CERT1: variants seen among roughly 807,000 people sequenced by gnomAD.
CERT1 encodes ceramide transporter 1.
Under a neutral mutation model 87.9 loss-of-function variants are expected in CERT1, and 31 were observed. The ratio of observed to expected loss-of-function variants is 0.35; its 90% confidence interval spans 0.27 to 0.48. The LOEUF (loss-of-function observed/expected upper bound fraction) is 0.48. Among genes scored for constraint, CERT1 ranks in the 20% least tolerant of loss-of-function variants. The pLI is 0.99. For missense variants in CERT1, 487 were observed against 758.0 expected, an observed-to-expected ratio of 0.64 and a Z score of 4.20; for synonymous variants, 289 against 250.9, an observed-to-expected ratio of 1.15 and a Z score of -1.44.
intron 2 of CERT1, among the ~76,000 whole-genome samples, chr5:75,485,795 C>A (rs752919505): frequency 6.6e-6 from 1 of 152,006 alleles, no homozygotes; most frequent in Non-Finnish European, 1.5e-5. Flanking sequence ...TACAACCTAC[C>A]AATATTGAAC....
At chr5:75,404,270 A>G (rs6866607) in intron 8 of CERT1, among the ~76,000 whole-genome samples, 8,786 of 145,898 alleles carry the variant, frequency 0.06, 572 homozygotes, top group African/African-American at 0.17. Flanking sequence ...ATGAGGACTC[A>G]GTCCCCTACA....
chr5:75,439,622 G>A (rs1404695255), intron 3 of CERT1, among the ~76,000 whole-genome samples: 2 of 151,836 alleles, frequency 1.3e-5, no homozygotes, highest in Non-Finnish European at 2.9e-5. Flanking sequence ...CACAATAAAG[G>A]ATTTTTCTGA....
intron 6 of CERT1, among the ~76,000 whole-genome samples, chr5:75,418,481 C>A (rs1763236460): frequency 6.6e-6 from 1 of 152,072 alleles, no homozygotes; most frequent in African/African-American, 2.4e-5. Context: ...ACATTCTACT[C>A]CTAGGTATTT....
intron 2 of CERT1, among the ~76,000 whole-genome samples, chr5:75,488,362 C>A (rs1464013381): frequency 6.6e-6 from 1 of 151,748 alleles, no homozygotes; most frequent in Non-Finnish European, 1.5e-5. Context: ...TGAATTCTTG[C>A]CAATTCAAGT....
Position 75,511,271 on chromosome 5 carries a change from C to A in CERT1, c.-64G>T, listed in dbSNP as rs774070032. On this transcript the variant is annotated 5_prime_UTR_variant, in exon 1 of 17. Coordinates refer to ENST00000643780, the MANE Select transcript of CERT1 (RefSeq NM_001379029.1). ...CCTCAGCTGCGCCGGAGGAGGCGCC[C>A]AGTCCTCGGGGTGAAGGGTCGGGGG... The A allele has an allele frequency of 3.1e-6, 5 of 1,590,110 alleles. No homozygotes were observed. The South Asian group carries it at 5.6e-5, about 18-fold the overall frequency.
chr5:75,469,636 T>G (rs904115741), intron 2 of CERT1, among the ~76,000 whole-genome samples: 1 of 152,058 alleles, frequency 6.6e-6, no homozygotes, highest in Non-Finnish European at 1.5e-5. Flanking sequence ...AGGAATCAAA[T>G]GTACTATTAG....
intron 4 of CERT1, 21 bp from the exon 5 acceptor site, chr5:75,425,520 G>A: frequency 6.2e-7 from 1 of 1,609,734 alleles, no homozygotes. Context: ...TAAAATAGGG[G>A]GATGTAATTC....
chr5:75,456,217 T>C (rs1031240132), intron 3 of CERT1, among the ~76,000 whole-genome samples: 2 of 152,166 alleles, frequency 1.3e-5, no homozygotes, highest in African/African-American at 2.4e-5. Context: ...CTCAACAATT[T>C]ACTTTTAGAA....
chr5:75,381,692 T>TAG (rs1761592914), intron 15 of CERT1, among the ~76,000 whole-genome samples: 1 of 152,064 alleles, frequency 6.6e-6, no homozygotes, highest in African/African-American at 2.4e-5. Context: ...TACTGCCCAG[T>TAG]GTATGTACTG....
intron 12 of CERT1, 99 bp downstream of exon 12, chr5:75,389,493 G>T (rs970759880): frequency 2.4e-6 from 2 of 830,080 alleles, no homozygotes; most frequent in African/African-American, 1.7e-5. Context: ...TGTTTTAAAG[G>T]TAAGTTGAAA....
At chr5:75,501,509 T>C (rs1014565897) in intron 2 of CERT1, among the ~76,000 whole-genome samples, 11 of 152,168 alleles carry the variant, frequency 7.2e-5, no homozygotes, top group Non-Finnish European at 1.5e-4. Flanking sequence ...TCTGAAGATA[T>C]TATACCAAAA....
At chr5:75,490,561 C>G (rs550467864) in intron 2 of CERT1, among the ~76,000 whole-genome samples, 16 of 151,942 alleles carry the variant, frequency 1.1e-4, no homozygotes, top group African/African-American at 3.6e-4. Flanking sequence ...TGCAGTGGCG[C>G]GATCTCGGCT....
intron 3 of CERT1, among the ~76,000 whole-genome samples, chr5:75,444,584 T>C (rs1337052752): frequency 6.7e-6 from 1 of 149,264 alleles, no homozygotes; most frequent in African/African-American, 2.5e-5. Context: ...AGTCTCATTC[T>C]GTCACCAGGC....
chr5:75,430,297 A>C (rs1467201314), intron 3 of CERT1, among the ~76,000 whole-genome samples: 2 of 152,214 alleles, frequency 1.3e-5, no homozygotes, highest in Admixed American at 6.5e-5. Context: ...ATTACACATA[A>C]TTTTAAGACA....
chr5:75,433,257 C>G (rs1287542411), intron 3 of CERT1, among the ~76,000 whole-genome samples: 1 of 152,168 alleles, frequency 6.6e-6, no homozygotes, highest in Non-Finnish European at 1.5e-5. Context: ...ATAGAAATGG[C>G]AATGAATCTG....
At chr5:75,369,736 T>C (rs146540481) in intron 17 of CERT1, 1 of 152,210 alleles carries the variant, frequency 6.6e-6, no homozygotes, top group Non-Finnish European at 1.5e-5. Context: ...AAATCCTGGT[T>C]TGGCATCTTC....
chr5:75,462,218 T>C lies in CERT1; in HGVS notation c.232-3037A>G, dbSNP rs189016755. The stretch of plus-strand genomic sequence containing the variant: ...AAATTAGATGGAAAACATTGAGAGG[T>C]GATAAATATAAGATATGATCTAAGG... On this transcript the variant is annotated intron_variant, in intron 2 of 16. Coordinates refer to ENST00000643780, the MANE Select transcript of CERT1 (RefSeq NM_001379029.1). Among the ~76,000 whole-genome samples, 34 of 151,942 alleles carry C rather than the reference T, an allele frequency of 2.2e-4. 1 individual carries two copies. The highest frequency in any genetic ancestry group is 4.3e-4 in the Non-Finnish European group (29 of 67,908).
intron 2 of CERT1, among the ~76,000 whole-genome samples, chr5:75,490,719 C>T (rs1440613089): frequency 2.0e-5 from 3 of 152,020 alleles, no homozygotes; most frequent in African/African-American, 4.8e-5. Flanking sequence ...AGGATGGTCT[C>T]GATCTCCTGA....
chr5:75,490,181 C>T (rs142012356), intron 2 of CERT1, among the ~76,000 whole-genome samples: 74 of 152,220 alleles, frequency 4.9e-4, no homozygotes, highest in African/African-American at 1.4e-3. Context: ...GAACATCACA[C>T]GCCGGGGCCT....
Sources: gnomAD v4.1 joint callset for allele counts (sites outside exome capture counted in the v4.1 genomes callset) on GRCh38, gnomAD v4.1.1 for gene constraint, MANE v1.5 for transcripts, NCBI Gene and HGNC (gene_info 2026-07-23, HGNC 2026-07-21) for gene names.